The following SPATA21 variants were observed in gnomAD, a reference collection of about 807,000 sequenced individuals.
SPATA21 encodes spermatogenesis-associated protein 21.
A neutral mutation model predicts 54.8 loss-of-function variants in SPATA21; 47 were observed. The observed-to-expected ratio is 0.86, with a 90% CI of 0.68 to 1.09. SPATA21 has a LOEUF of 1.09. Among genes scored for constraint, SPATA21 ranks in the 50% least tolerant of loss-of-function variants. The pLI is 0.00. For missense variants in SPATA21, 599 were observed against 596.4 expected (o/e 1.00, Z -0.05); for synonymous variants, 245 against 235.3 (o/e 1.04, Z -0.38).
chr1:16,426,557 C>CTATGTATATA (rs1553166356), intron 3 of SPATA21, among the ~76,000 whole-genome samples: 1 of 85,804 alleles, frequency 1.2e-5, no homozygotes, highest in Non-Finnish European at 2.3e-5. Flanking sequence ...TGGTGCCCGG[C>CTATGTATATA]TATATATATA....
At chr1:16,397,988 C>G (rs2085341164), downstream of SPATA21, 21 of 787,726 alleles carry the variant, frequency 2.7e-5, no homozygotes, top group Non-Finnish European at 3.1e-5. The surrounding 1 kb of genome is among the most constrained non-coding windows in gnomAD (Gnocchi z 5.4). Flanking sequence ...GGTGTCTGAA[C>G]AGAAGGGCAT....
At chr1:16,419,842 A>C (rs2100854950) in intron 5 of SPATA21, among the ~76,000 whole-genome samples, 2 of 152,302 alleles carry the variant, frequency 1.3e-5, no homozygotes, top group Middle Eastern at 6.8e-3. Context: ...CGGGAGGCTG[A>C]GGCAAGAGAA....
chr1:16,410,520 C>T (rs1206689459), intron 5 of SPATA21, among the ~76,000 whole-genome samples: 2 of 152,008 alleles, frequency 1.3e-5, no homozygotes, highest in Non-Finnish European at 2.9e-5. Context: ...AAGCGATTCT[C>T]CTGTCTCAGC....
chr1:16,407,055 T>C (rs1183372123), intron 7 of SPATA21, among the ~76,000 whole-genome samples: 1 of 152,216 alleles, frequency 6.6e-6, no homozygotes, highest in East Asian at 1.9e-4. Context: ...ACGATGGCCA[T>C]GACAACAGGG....
chr1:16,405,046 C>A lies in SPATA21; in HGVS notation c.732G>T (p.Leu244=). ...AGCCCATTAGGAGCAGGATATTCTT[C>A]AGGCTCTGTGCATCCACCTCACCAG... ...NGPGEVDAQS[L]KNILLLMGFS... is the part of the protein sequence containing the mutation. Residue 244 remains leucine (L), a synonymous_variant, in exon 8 of 13, where the codon CTG becomes CTT. Coordinates refer to ENST00000335496, the MANE Select transcript of SPATA21 (RefSeq NM_198546.1). 1.2e-6 allele frequency: 2 copies of A among 1,610,090 alleles called. No homozygotes were observed. The highest frequency in any genetic ancestry group is 1.7e-6 in the Non-Finnish European group (2 of 1,178,744).
chr1:16,414,315 C>T (rs563088088), intron 5 of SPATA21, among the ~76,000 whole-genome samples: 162 of 151,976 alleles, frequency 1.1e-3, no homozygotes, highest in African/African-American at 3.7e-3. Flanking sequence ...GGGATCTGCC[C>T]ACCTCAGCCA....
intron 3 of SPATA21, among the ~76,000 whole-genome samples, chr1:16,430,347 C>T (rs886261977): frequency 1.3e-5 from 2 of 152,066 alleles, no homozygotes; most frequent in Admixed American, 6.6e-5. Flanking sequence ...GCAGGAGGAT[C>T]GCTTAAGCCT....
At position 16,409,867 on chromosome 1, in the gene SPATA21, G is replaced by A. The variant is rs1272167779; in HGVS notation, c.321C>T (p.Ser107=). 1 of 1,610,928 alleles carries A rather than the reference G, an allele frequency of 6.2e-7. No homozygotes were observed. Among genetic ancestry groups the A allele is most frequent in the African/African-American group, 1.3e-5 (1 of 74,846 alleles). ...ASHRRASKAR[S]QTAQKSPRTL... is the part of the protein sequence containing the mutation. The stretch of plus-strand genomic sequence containing the variant: ...TCCTGGGCGACTTCTGGGCTGTCTG[G>A]GACCGGGCCTTCGAGGCTCTCCGAT... Residue 107 remains serine, a synonymous_variant, in exon 6 of 13, where the codon TCC becomes TCT. Coordinates refer to ENST00000335496, the MANE Select transcript of SPATA21 (RefSeq NM_198546.1). This position sits in a 1 kb window ranked among gnomAD's most constrained non-coding sequence, Gnocchi z 4.1.
chr1:16,434,783 C>G (rs1248074727), intron 1 of SPATA21, among the ~76,000 whole-genome samples: 1 of 152,156 alleles, frequency 6.6e-6, no homozygotes, highest in African/African-American at 2.4e-5. Context: ...ATCATTTTAC[C>G]TTCTTACCAG....
rs1180021353 is a variant in SPATA21, at chr1:16,421,901, G to A, written c.95+10C>T. 6.2e-7 allele frequency: 1 copy of A among 1,614,224 alleles called. No individual in the cohort carries two copies. Among genetic ancestry groups the A allele is most frequent in the African/African-American group, 1.3e-5 (1 of 75,062 alleles). ...TTGGGGGCAGGGGATGGCACTGGAT[G>A]ATGACTTACCCTCCTTTTGCTTTTT... On this transcript the variant is annotated intron_variant, in intron 4 of 12. Transcript: ENST00000335496. The surrounding 1 kb of genome is among the most constrained non-coding windows in gnomAD (Gnocchi z 5.2).
intron 3 of SPATA21, chr1:16,425,156 C>T (rs2086286725): frequency 2.2e-6 from 1 of 461,530 alleles, no homozygotes; most frequent in African/African-American, 2.0e-5. Context: ...GGTGATCTGC[C>T]TCCTTCGGCC....
intron 5 of SPATA21, among the ~76,000 whole-genome samples, chr1:16,415,454 G>A (rs1186692126): frequency 4.6e-5 from 7 of 152,214 alleles, no homozygotes; most frequent in African/African-American, 1.7e-4. Flanking sequence ...TGGCCCTCTG[G>A]GGACTACAGG....
chr1:16,398,527 C>T (rs975912823), downstream of SPATA21: 6 of 541,114 alleles, frequency 1.1e-5, no homozygotes, highest in Non-Finnish European at 2.0e-5. Flanking sequence ...CGCAGGGGCA[C>T]CTGTAGCAGA....
chr1:16,423,539 CT>C lies in SPATA21; in HGVS notation c.35-1569del, dbSNP rs966239575. On this transcript the variant is annotated intron_variant, in intron 3 of 12. Transcript: ENST00000335496. The stretch of plus-strand genomic sequence containing the variant: ...GAATTTCTTTCTCTTTCTCTCTCTC[CT>C]TTTTTTTTTTTTTTTTTTTTGGAGA... Among the ~76,000 whole-genome samples the C allele has an allele frequency of 6.8e-3, 763 of 111,652 alleles. 1 individual carries two copies. Among genetic ancestry groups the C allele is most frequent in the African/African-American group, 0.023 (663 of 28,338 alleles). 73.2% of individuals were successfully genotyped at this position (111,652 alleles called of 152,430 possible).
At position 16,400,744 on chromosome 1, in the gene SPATA21, T is replaced by A; in HGVS notation, c.1150A>T (p.Ser384Cys). The change falls in exon 11 of 13, where the codon AGC (serine) becomes TGC (cysteine). Residue 384 changes from serine to cysteine, a missense_variant. Transcript: ENST00000335496. ...VPERKVLSIL[S>C]RLKQQNYAPN... is the part of the protein sequence containing the mutation. The stretch of plus-strand genomic sequence containing the variant: ...CCATAGTTCTGCTGCTTCAGCCGGC[T>A]CAGGATACTGAGGACCTTTCGTTCT... 6.2e-7 allele frequency: 1 copy of A among 1,613,524 alleles called. No individual in the cohort carries two copies. The highest frequency in any genetic ancestry group is 8.5e-7 in the Non-Finnish European group (1 of 1,179,660).
chr1:16,429,198 TCG>T lies in SPATA21; in HGVS notation c.34+2138_34+2139del, dbSNP rs142210042. 8.6e-3 allele frequency among the ~76,000 whole-genome samples: 1,299 copies of T among 151,856 alleles called. 13 individuals carry two copies. Among genetic ancestry groups the T allele is most frequent in the African/African-American group, 0.03 (1,234 of 41,402 alleles). On this transcript the variant is annotated intron_variant, in intron 3 of 12. Coordinates refer to ENST00000335496, the MANE Select transcript of SPATA21 (RefSeq NM_198546.1). ...TTTCCTTTTTGTGGAGAACGGGGTC[TCG>T]CTATATTGCCCAGGCAGGCCTCGAA...
At chr1:16,415,219 A>G (rs2100836605) in intron 5 of SPATA21, among the ~76,000 whole-genome samples, 1 of 152,264 alleles carries the variant, frequency 6.6e-6, no homozygotes, top group African/African-American at 2.4e-5. Flanking sequence ...CGCCTGTACT[A>G]TCAGCTACTT....
intron 3 of SPATA21, among the ~76,000 whole-genome samples, chr1:16,424,229 C>T (rs1355827933): frequency 5.1e-4 from 57 of 111,168 alleles, no homozygotes; most frequent in South Asian, 1.0e-3. Context: ...AGGAGAATGG[C>T]ATGAACCTGG....
intron 8 of SPATA21, 146 bp downstream of exon 8, chr1:16,404,818 GAAC>G: frequency 1.1e-6 from 1 of 928,664 alleles, no homozygotes; most frequent in Non-Finnish European, 1.5e-6. Flanking sequence ...CAAACAACAA[GAAC>G]AACAAAGGCA....
Sources: allele counts gnomAD v4.1 joint callset (sites outside exome capture counted in the v4.1 genomes callset), GRCh38; gene constraint gnomAD v4.1.1; non-coding constraint Gnocchi (gnomAD v3.1); transcripts MANE v1.5; gene names NCBI Gene and HGNC (gene_info 2026-07-23, HGNC 2026-07-21).